EPB41L4A: variants seen among roughly 807,000 people sequenced by gnomAD.
EPB41L4A encodes erythrocyte membrane protein band 4.1 like 4A.
Under a neutral mutation model 108.6 loss-of-function variants are expected in EPB41L4A, and 100 were observed. The ratio of observed to expected loss-of-function variants is 0.92; its 90% CI spans 0.78 to 1.09. EPB41L4A has a LOEUF of 1.09. EPB41L4A is among the 50% of genes least tolerant of loss of function. The pLI is 0.00. For missense variants in EPB41L4A, 1,030 were observed against 842.7 expected (o/e 1.22, Z -2.75); for synonymous variants, 319 against 289.0 (o/e 1.10, Z -1.05).
At chr5:112,299,793 C>T (rs1369151265) in intron 2 of EPB41L4A, among the ~76,000 whole-genome samples, 2 of 152,220 alleles carry the variant, frequency 1.3e-5, no homozygotes, top group Non-Finnish European at 2.9e-5. Context: ...TGCTCTCTAT[C>T]TCATTACTTA....
chr5:112,369,163 C>A (rs1561615131), intron 1 of EPB41L4A, among the ~76,000 whole-genome samples: 2 of 152,182 alleles, frequency 1.3e-5, no homozygotes, highest in Non-Finnish European at 2.9e-5. Context: ...CTTAACTCAT[C>A]CCCCTTTCTC....
chr5:112,303,485 A>T (rs1001639740), intron 2 of EPB41L4A, among the ~76,000 whole-genome samples: 3 of 152,186 alleles, frequency 2.0e-5, no homozygotes. Context: ...TAAGGACAAA[A>T]TCCTGGTGAA....
intron 12 of EPB41L4A, among the ~76,000 whole-genome samples, chr5:112,154,980 C>G (rs547738211): frequency 1.3e-5 from 2 of 152,230 alleles, no homozygotes; most frequent in African/African-American, 2.4e-5. Context: ...TTTCTAGGAA[C>G]TTTAACTTAA....
At chr5:112,399,719 C>T (rs931089395) in intron 1 of EPB41L4A, among the ~76,000 whole-genome samples, 9 of 152,310 alleles carry the variant, frequency 5.9e-5, no homozygotes, top group African/African-American at 1.4e-4. Context: ...TCACACATCA[C>T]GTCTTAAATC....
chr5:112,195,064 G>A (rs1224100706), intron 16 of EPB41L4A, among the ~76,000 whole-genome samples: 2 of 152,098 alleles, frequency 1.3e-5, no homozygotes, highest in African/African-American at 4.8e-5. Flanking sequence ...CTGGTCTTGT[G>A]ACTGATTTTA....
intron 2 of EPB41L4A, among the ~76,000 whole-genome samples, chr5:112,295,134 G>A (rs916246611): frequency 6.6e-6 from 1 of 152,188 alleles, no homozygotes; most frequent in Non-Finnish European, 1.5e-5. Flanking sequence ...TATTAACAGT[G>A]TCCCTTTTCA....
intron 1 of EPB41L4A, among the ~76,000 whole-genome samples, chr5:112,353,556 C>G (rs1438887811): frequency 6.6e-6 from 1 of 151,992 alleles, no homozygotes; most frequent in East Asian, 1.9e-4. Context: ...ATGGTAGGCT[C>G]GGTGGGCCCA....
intron 1 of EPB41L4A, among the ~76,000 whole-genome samples, chr5:112,410,526 C>A (rs1248511718): frequency 6.6e-6 from 1 of 152,058 alleles, no homozygotes; most frequent in African/African-American, 2.4e-5. Flanking sequence ...GGTGGGAATT[C>A]CAAGACCTGG....
At chr5:112,231,567 T>C (rs977710092) in intron 12 of EPB41L4A, among the ~76,000 whole-genome samples, 1 of 149,552 alleles carries the variant, frequency 6.7e-6, no homozygotes, top group Non-Finnish European at 1.5e-5. Flanking sequence ...GGGTGGATCA[T>C]GAGGTCAGGA....
intron 1 of EPB41L4A, among the ~76,000 whole-genome samples, chr5:112,370,427 T>G (rs1285145374): frequency 1.3e-5 from 2 of 152,170 alleles, no homozygotes; most frequent in Non-Finnish European, 2.9e-5. Flanking sequence ...CCTGTCATTT[T>G]GATTTTTGAT....
At chr5:112,315,523 T>C (rs1247590778) in intron 1 of EPB41L4A, among the ~76,000 whole-genome samples, 1 of 152,178 alleles carries the variant, frequency 6.6e-6, no homozygotes, top group Non-Finnish European at 1.5e-5. Flanking sequence ...CTTATGAAAT[T>C]AAAGAAAAAG....
At chr5:112,204,052 A>G (rs1762347458) in intron 15 of EPB41L4A, among the ~76,000 whole-genome samples, 1 of 151,222 alleles carries the variant, frequency 6.6e-6, no homozygotes, top group Non-Finnish European at 1.5e-5. Context: ...AAAAAAAAAG[A>G]TATACTGTCT....
intron 18 of EPB41L4A, among the ~76,000 whole-genome samples, chr5:112,180,942 C>T (rs1761114924): frequency 6.6e-6 from 1 of 152,102 alleles, no homozygotes; most frequent in African/African-American, 2.4e-5. Context: ...CCAGTAAGCA[C>T]ACAAAAATGT....
At chr5:112,325,380 G>T (rs563261887) in intron 1 of EPB41L4A, among the ~76,000 whole-genome samples, 1 of 151,606 alleles carries the variant, frequency 6.6e-6, no homozygotes, top group South Asian at 2.1e-4. Flanking sequence ...GGTGGAGCTT[G>T]CAGTGAGCGG....
intron 2 of EPB41L4A, among the ~76,000 whole-genome samples, chr5:112,294,509 A>G (rs1459804491): frequency 2.0e-5 from 3 of 152,232 alleles, no homozygotes; most frequent in Non-Finnish European, 4.4e-5. Context: ...TATTTGTAAT[A>G]TGTGATACAA....
intron 11 of EPB41L4A, among the ~76,000 whole-genome samples, chr5:112,238,340 A>G (rs1749510748): frequency 6.6e-6 from 1 of 152,236 alleles, no homozygotes. Flanking sequence ...AAACATTAAC[A>G]TATCAATGAA....
At position 112,419,150 on chromosome 5, in the gene EPB41L4A, G is replaced by C; in HGVS notation, c.-111C>G. The C allele has an allele frequency of 1.3e-6, 1 of 794,364 alleles. No individual in the cohort carries two copies. The highest frequency in any genetic ancestry group is 1.6e-5 in the South Asian group (1 of 60,778). The allele number at this position is 794,364 out of a possible 1,614,324, so 49.2% of individuals were successfully genotyped here. On this transcript the variant is annotated 5_prime_UTR_variant, in exon 1 of 23. Coordinates refer to ENST00000261486, the MANE Select transcript of EPB41L4A (RefSeq NM_022140.5). ...TTATTGTCCGCGCCGTGGCGAGGGT[G>C]AGACGAGCAGCTCCCGGCGGGGTCC...
intron 1 of EPB41L4A, among the ~76,000 whole-genome samples, chr5:112,321,400 C>T (rs923420826): frequency 3.3e-5 from 5 of 152,184 alleles, no homozygotes; most frequent in South Asian, 2.1e-4. Flanking sequence ...GTACTTATTT[C>T]CCCACAGGAA....
intron 1 of EPB41L4A, among the ~76,000 whole-genome samples, chr5:112,326,483 T>A (rs1313972378): frequency 6.6e-6 from 1 of 152,204 alleles, no homozygotes; most frequent in Non-Finnish European, 1.5e-5. Flanking sequence ...AAACACTTTT[T>A]TCCATCTGAA....
Sources: allele counts gnomAD v4.1 joint callset (sites outside exome capture counted in the v4.1 genomes callset), GRCh38; gene constraint gnomAD v4.1.1; transcripts MANE v1.5; gene names NCBI Gene and HGNC (gene_info 2026-07-23, HGNC 2026-07-21).